PDE4D: variants seen among roughly 807,000 people sequenced by gnomAD.
The protein encoded by PDE4D is phosphodiesterase 4D.
In PDE4D, 24 loss-of-function variants were observed where a neutral mutation model predicts 87.4. The ratio of observed to expected loss-of-function variants is 0.27; its 90% CI spans 0.20 to 0.39. The LOEUF is 0.39. Among genes scored for constraint, PDE4D ranks in the 10% least tolerant of loss-of-function variants. PDE4D has a pLI of 1.00. For missense variants in PDE4D, 714 were observed against 1,041.0 expected, an observed-to-expected ratio of 0.69 and a Z score of 4.32; for synonymous variants, 384 against 383.2, an observed-to-expected ratio of 1.00 and a Z score of -0.02.
intron 1 of PDE4D, among the ~76,000 whole-genome samples, chr5:60,458,984 T>A (rs1746710392): frequency 6.6e-6 from 1 of 151,618 alleles, no homozygotes; most frequent in East Asian, 2.0e-4. Context: ...TAAGTTTGTG[T>A]GTGTGTGTGT....
intron 2 of PDE4D, among the ~76,000 whole-genome samples, chr5:60,170,622 G>C (rs1210500684): frequency 6.6e-6 from 1 of 151,806 alleles, no homozygotes; most frequent in East Asian, 1.9e-4. Flanking sequence ...ATCATAATGA[G>C]GCCTCTGTAC....
intron 1 of PDE4D, among the ~76,000 whole-genome samples, chr5:60,339,508 T>C (rs1396338011): frequency 6.6e-6 from 1 of 152,138 alleles, no homozygotes; most frequent in Non-Finnish European, 1.5e-5. Flanking sequence ...ATCTCTTAAA[T>C]GTTCCACTCA....
intron 1 of PDE4D, among the ~76,000 whole-genome samples, chr5:59,234,625 T>C (rs1306852906): frequency 1.3e-5 from 2 of 152,206 alleles, no homozygotes; most frequent in Admixed American, 6.5e-5. Context: ...AGCCTGCTTA[T>C]ATAAAATGAA....
Position 60,387,504 on chromosome 5 carries a change from G to A in PDE4D, c.-90+100438C>T, listed in dbSNP as rs1012003324. Among the ~76,000 whole-genome samples the A allele has an allele frequency of 1.4e-4, 22 of 152,174 alleles. 1 individual carries two copies. The highest frequency in any genetic ancestry group is 5.3e-4 in the African/African-American group (22 of 41,432). Reference sequence around the variant, plus strand: ...AGTTCCCCTACACTGACTATAAAATGAAGGATAACAGAGGGTAAAATGTAA... The same window carrying A: ...AGTTCCCCTACACTGACTATAAAATAAAGGATAACAGAGGGTAAAATGTAA... On this transcript the variant is annotated intron_variant, in intron 1 of 16. Transcript: ENST00000502484.
At chr5:59,653,431 T>C (rs2576455) in intron 1 of PDE4D, among the ~76,000 whole-genome samples, 54,701 of 152,014 alleles carry the variant, frequency 0.36, 11,162 homozygotes, top group East Asian at 0.75. Flanking sequence ...CAAATGTTTT[T>C]AAGGGCAGTA....
At chr5:59,068,009 C>T (rs571327267) in intron 5 of PDE4D, among the ~76,000 whole-genome samples, 10 of 152,084 alleles carry the variant, frequency 6.6e-5, no homozygotes, top group Non-Finnish European at 7.4e-5. Context: ...CTAAGACTAT[C>T]GTAATGAAGT....
chr5:59,651,056 C>A (rs1743385901), intron 1 of PDE4D, among the ~76,000 whole-genome samples: 2 of 151,872 alleles, frequency 1.3e-5, no homozygotes, highest in African/African-American at 4.8e-5. Flanking sequence ...GAGATCGAGA[C>A]CATCCTGGCC....
chr5:60,432,093 A>AGGAGAGGGAGAGGGAGAG (rs60718677), intron 1 of PDE4D, among the ~76,000 whole-genome samples: 62 of 150,228 alleles, frequency 4.1e-4, no homozygotes, highest in Middle Eastern at 3.4e-3. Flanking sequence ...CGTGGGGAGA[A>AGGAGAGGGAGAGGGAGAG]GGAGAGGGAG....
intron 1 of PDE4D, among the ~76,000 whole-genome samples, chr5:60,504,027 T>C (rs1178865888): frequency 1.3e-5 from 2 of 152,056 alleles, no homozygotes; most frequent in Non-Finnish European, 2.9e-5. Context: ...GTCAGCCAGG[T>C]AGAGTTGATC....
chr5:60,165,115 G>A (rs139831614), intron 2 of PDE4D, among the ~76,000 whole-genome samples: 2 of 152,004 alleles, frequency 1.3e-5, no homozygotes, highest in Non-Finnish European at 2.9e-5. Flanking sequence ...GATTCTATAT[G>A]AGTGTGGTCA....
At chr5:59,422,780 G>T (rs1197343773) in intron 1 of PDE4D, among the ~76,000 whole-genome samples, 2 of 152,170 alleles carry the variant, frequency 1.3e-5, no homozygotes, top group Non-Finnish European at 2.9e-5. Flanking sequence ...AGGCTGCATG[G>T]TTGGGTGATG....
At chr5:59,320,122 A>G (rs1310924348) in intron 1 of PDE4D, among the ~76,000 whole-genome samples, 2 of 152,030 alleles carry the variant, frequency 1.3e-5, no homozygotes, top group African/African-American at 4.8e-5. Context: ...CATGTTCTAG[A>G]GTTCCATAAT....
chr5:59,149,727 T>TTTTTTTTG, intron 5 of PDE4D, among the ~76,000 whole-genome samples: 1 of 149,800 alleles, frequency 6.7e-6, no homozygotes, highest in Non-Finnish European at 1.5e-5. Flanking sequence ...TTTTTTTTTT[T>TTTTTTTTG]TTTCGGTCAA....
At chr5:59,504,945 C>CATGA (rs1808983188) in intron 1 of PDE4D, among the ~76,000 whole-genome samples, 3 of 142,066 alleles carry the variant, frequency 2.1e-5, no homozygotes, top group African/African-American at 7.9e-5. Context: ...TGTGTGCGTG[C>CATGA]GCGTGTGTTT....
Position 59,893,562 on chromosome 5 carries a change from C to A in PDE4D, c.61G>T (p.Ala21Ser). ...RAGSGEGSDS[A>S]GGATLKAPKH... ...GGGGCTTTGAGCGTGGCCCCGCCGG[C>A]GCTGTCGCTGCCCTCTCCGCTGCCC... is the stretch of plus-strand genomic sequence containing the variant. The change falls in exon 1 of 15, where the codon GCC becomes TCC. Residue 21 changes from alanine (A) to serine (S), a missense_variant. Transcript: ENST00000340635. 6.5e-7 allele frequency: 1 copy of A among 1,534,040 alleles called. No homozygotes were observed. Among genetic ancestry groups the A allele is most frequent in the Non-Finnish European group, 8.8e-7 (1 of 1,140,320 alleles).
intron 1 of PDE4D, among the ~76,000 whole-genome samples, chr5:59,391,872 A>G (rs558473848): frequency 1.3e-5 from 2 of 151,258 alleles, no homozygotes; most frequent in East Asian, 3.9e-4. Flanking sequence ...CTTCTCTAAT[A>G]CACTTTTCTT....
intron 3 of PDE4D, among the ~76,000 whole-genome samples, chr5:59,902,872 A>G (rs570767077): frequency 1.2e-3 from 179 of 152,336 alleles, no homozygotes; most frequent in South Asian, 2.1e-3. Context: ...GTAGCACAAA[A>G]TTTGGGGAAC....
chr5:59,183,879 G>A (rs188184334), intron 4 of PDE4D, among the ~76,000 whole-genome samples: 1 of 152,250 alleles, frequency 6.6e-6, no homozygotes, highest in East Asian at 1.9e-4. Flanking sequence ...AATGTGAACC[G>A]ACTACATTCC....
In PDE4D at chr5:59,276,171, G is replaced by A. The variant is rs561765920; in HGVS notation, c.456-60203C>T. ...AAAGCCCAGCGCCCAGCCTAGCCTC[G>A]TCAATTGCTGAGACTTACAAAGCAA... On this transcript the variant is annotated intron_variant, in intron 1 of 14. Transcript: ENST00000340635. 84 of 973,502 alleles carry A rather than the reference G, an allele frequency of 8.6e-5. No individual in the cohort carries two copies. The African/African-American group carries it at 1.4e-3, about 17-fold the overall frequency. 60.3% of individuals were successfully genotyped at this position (973,502 alleles called of 1,614,324 possible).
Sources: gnomAD v4.1 joint callset for allele counts (sites outside exome capture counted in the v4.1 genomes callset) on GRCh38, gnomAD v4.1.1 for gene constraint, MANE v1.5 for transcripts, NCBI Gene and HGNC (gene_info 2026-07-23, HGNC 2026-07-21) for gene names.